SNX7: variants seen among roughly 807,000 people sequenced by gnomAD.
SNX7 encodes sorting nexin-7.
In SNX7, 35 loss-of-function variants were observed where a neutral mutation model predicts 48.4. The observed-to-expected ratio is 0.72, with a 90% CI of 0.55 to 0.96. SNX7 has a LOEUF of 0.96. SNX7 is among the 40% of genes least tolerant of loss of function. The probability of loss-of-function intolerance (pLI) is 0.00; values close to 1 mark genes in which losing one functional copy is unlikely to be tolerated. For synonymous variants in SNX7, 190 were observed against 190.2 expected (o/e 1.00, Z 0.01); for missense variants, 553 against 548.9 (o/e 1.01, Z -0.07).
chr1:98,682,039 C>G (rs1200228077), intron 1 of SNX7, among the ~76,000 whole-genome samples: 2 of 151,856 alleles, frequency 1.3e-5, no homozygotes, highest in African/African-American at 4.9e-5. Flanking sequence ...CATAGGCATG[C>G]TTCCTATCAC....
intron 7 of SNX7, among the ~76,000 whole-genome samples, chr1:98,727,153 C>T (rs1407336666): frequency 6.6e-6 from 1 of 152,174 alleles, no homozygotes. Flanking sequence ...GAGTGTGCAG[C>T]AAGCTGAGAT....
Position 98,760,066 on chromosome 1 carries a change from T to G in SNX7, c.1291T>G (p.Trp431Gly). Residue 431 changes from tryptophan to glycine, a missense_variant, in exon 9 of 9, where the codon TGG becomes GGG. Trp to Gly is a radical substitution (Grantham distance 184). Coordinates refer to ENST00000306121, the MANE Select transcript of SNX7 (RefSeq NM_015976.5). ...IHYYEQCLAT[W>G]ESFLTSQTNL... Reference sequence around the variant, plus strand: ...TTCCATTATTCAGTGCCTTGCTACGTGGGAGTCATTCCTTACATCACAGAC... The same window carrying G: ...TTCCATTATTCAGTGCCTTGCTACGGGGGAGTCATTCCTTACATCACAGAC... 6.2e-7 allele frequency: 1 copy of G among 1,602,306 alleles called. No homozygotes were observed. The highest frequency in any genetic ancestry group is 8.6e-7 in the Non-Finnish European group (1 of 1,169,578).
rs146118706 is a variant in SNX7, at chr1:98,683,169, A to C, written c.181-1716A>C. Among the ~76,000 whole-genome samples, 18 of 151,986 alleles carry C rather than the reference A, an allele frequency of 1.2e-4. No individual in the cohort carries two copies. The East Asian group carries it at 3.3e-3, about 28-fold the overall frequency. On this transcript the variant is annotated intron_variant, in intron 1 of 8. Coordinates refer to ENST00000306121, the MANE Select transcript of SNX7 (RefSeq NM_015976.5). ...ATGCTCTGTTCTATCTGCTTCCTCT[A>C]ATCTTCTGTTTTGGTTTGTTTGTGA...
chr1:98,747,714 T>C (rs1042558026), intron 8 of SNX7, among the ~76,000 whole-genome samples: 1 of 152,200 alleles, frequency 6.6e-6, no homozygotes, highest in Non-Finnish European at 1.5e-5. Flanking sequence ...ATATAAAGCA[T>C]GTAAAACACA....
chr1:98,668,915 A>G (rs1380546286), intron 1 of SNX7, among the ~76,000 whole-genome samples: 1 of 152,242 alleles, frequency 6.6e-6, no homozygotes, highest in Admixed American at 6.5e-5. Flanking sequence ...CTGGATGACT[A>G]ACTGTCCCAG....
intron 7 of SNX7, among the ~76,000 whole-genome samples, chr1:98,704,976 G>A (rs942004195): frequency 1.2e-4 from 19 of 152,174 alleles, no homozygotes; most frequent in Non-Finnish European, 2.2e-4. Context: ...CCTTTGTGTG[G>A]ATTTTGTGGC....
intron 1 of SNX7, among the ~76,000 whole-genome samples, chr1:98,679,597 T>C (rs777092339): frequency 1.3e-5 from 2 of 152,052 alleles, no homozygotes; most frequent in Non-Finnish European, 2.9e-5. Context: ...CTAGATACAA[T>C]GGGGGTACAG....
intron 2 of SNX7, among the ~76,000 whole-genome samples, chr1:98,689,695 G>C (rs1376276906): frequency 6.6e-6 from 1 of 152,158 alleles, no homozygotes; most frequent in Admixed American, 6.5e-5. Context: ...GGTACAAGGA[G>C]ATGCTCAGTA....
chr1:98,694,596 A>ATTTTT (rs764330196), intron 4 of SNX7, among the ~76,000 whole-genome samples: 2,022 of 53,246 alleles, frequency 0.038, 441 homozygotes, highest in Admixed American at 0.059. Context: ...TTGCTCTGGG[A>ATTTTT]TTTTTTTTTT....
chr1:98,721,248 G>A (rs1652858062), intron 7 of SNX7, among the ~76,000 whole-genome samples: 1 of 152,082 alleles, frequency 6.6e-6, no homozygotes, highest in African/African-American at 2.4e-5. Flanking sequence ...GTGTAGTGCA[G>A]ATATTCCAAA....
chr1:98,676,096 A>G (rs1156292150), intron 1 of SNX7, among the ~76,000 whole-genome samples: 1 of 151,706 alleles, frequency 6.6e-6, no homozygotes, highest in Non-Finnish European at 1.5e-5. Context: ...TTTTTTTTTT[A>G]ATAGCTGCTA....
intron 2 of SNX7, among the ~76,000 whole-genome samples, chr1:98,689,675 G>A (rs1274177669): frequency 2.0e-5 from 3 of 152,086 alleles, no homozygotes; most frequent in Admixed American, 2.0e-4. Context: ...GGACCTGTAC[G>A]TATGTACCCG....
intron 7 of SNX7, among the ~76,000 whole-genome samples, chr1:98,724,368 G>T (rs9730021): frequency 0.55 from 83,752 of 151,360 alleles, 24,181 homozygotes; most frequent in Non-Finnish European, 0.64. Flanking sequence ...AGTTGCTTCT[G>T]CCAGAAATGC....
At chr1:98,665,367 C>T (rs1361308305) in intron 1 of SNX7, among the ~76,000 whole-genome samples, 4 of 151,520 alleles carry the variant, frequency 2.6e-5, no homozygotes, top group Non-Finnish European at 4.4e-5. Flanking sequence ...TGGAAGGTAG[C>T]GAACAGTAGG....
At chr1:98,706,166 A>T (rs914260732) in intron 7 of SNX7, among the ~76,000 whole-genome samples, 3 of 152,184 alleles carry the variant, frequency 2.0e-5, no homozygotes, top group Non-Finnish European at 4.4e-5. Flanking sequence ...GGTCCTCATG[A>T]GGCTTATGTT....
chr1:98,759,877 A>C (rs1350575891), intron 8 of SNX7, among the ~76,000 whole-genome samples, 177 bp from the exon 9 acceptor site: 1 of 152,090 alleles, frequency 6.6e-6, no homozygotes, highest in Non-Finnish European at 1.5e-5. Context: ...CTTACTTAGC[A>C]GTAGCATCCC....
At chr1:98,703,412 G>A (rs372744013) in intron 7 of SNX7, among the ~76,000 whole-genome samples, 3 of 151,980 alleles carry the variant, frequency 2.0e-5, no homozygotes, top group Non-Finnish European at 4.4e-5. Context: ...TTACTCTCAC[G>A]TTTCTTGACT....
intron 7 of SNX7, among the ~76,000 whole-genome samples, chr1:98,713,232 T>C (rs1043801086): frequency 2.0e-5 from 3 of 152,208 alleles, no homozygotes; most frequent in Non-Finnish European, 4.4e-5. Flanking sequence ...CATCTGGCAT[T>C]TTTATCTTAC....
At position 98,691,200 on chromosome 1, in the gene SNX7, T is replaced by G. The variant is rs575550795; in HGVS notation, c.474+15T>G. On this transcript the variant is annotated intron_variant, in intron 3 of 8. Transcript: ENST00000306121. ...TGATTATTCCAGTAAGTTTGCAAAA[T>G]TTTTTTTTTCATAGAATAGCTACCA... 8 of 1,452,114 alleles carry G rather than the reference T, an allele frequency of 5.5e-6. No individual in the cohort carries two copies. The South Asian group carries it at 9.5e-5, about 17-fold the overall frequency. The allele number at this position is 1,452,114 out of a possible 1,614,324, so 90.0% of individuals were successfully genotyped here.
Sources: allele counts gnomAD v4.1 joint callset (sites outside exome capture counted in the v4.1 genomes callset), GRCh38; gene constraint gnomAD v4.1.1; transcripts MANE v1.5; gene names NCBI Gene and HGNC (gene_info 2026-07-23, HGNC 2026-07-21).